Variants in ARFGAP3 observed in about 807,000 individuals in gnomAD.
ARFGAP3 encodes the protein ARF GTPase activating protein 3, also known as ADP-ribosylation factor GTPase-activating protein 3.
ARFGAP3 carries 72 observed loss-of-function variants against 75.0 expected under a neutral mutation model. That is an observed-to-expected ratio of 0.96 (90% CI 0.79 to 1.17). The LOEUF (loss-of-function observed/expected upper bound fraction) is 1.17. ARFGAP3 is among the 50% of genes most tolerant of loss of function. ARFGAP3 has a pLI of 0.00. For missense variants in ARFGAP3, 620 were observed against 626.6 expected, an observed-to-expected ratio of 0.99 and a Z score of 0.11; for synonymous variants, 221 against 217.9, an observed-to-expected ratio of 1.01 and a Z score of -0.13.
intron 14 of ARFGAP3, among the ~76,000 whole-genome samples, chr22:42,805,044 T>C (rs533266101): frequency 6.6e-6 from 1 of 152,134 alleles, no homozygotes; most frequent in African/African-American, 2.4e-5. Context: ...GGAGGGAGGT[T>C]TGCTCAAGGC....
chr22:42,848,271 C>T (rs1353075845), intron 1 of ARFGAP3, among the ~76,000 whole-genome samples: 6 of 152,002 alleles, frequency 3.9e-5, no homozygotes, highest in African/African-American at 9.7e-5. Flanking sequence ...TGCAGCGGCA[C>T]GATTTCGTCT....
chr22:42,816,942 T>C (rs1308312704), intron 11 of ARFGAP3, among the ~76,000 whole-genome samples, 200 bp downstream of exon 11: 1 of 152,250 alleles, frequency 6.6e-6, no homozygotes, highest in Non-Finnish European at 1.5e-5. Context: ...TTGCCAAACA[T>C]TTTAATATTA....
rs535960550 is a variant in ARFGAP3 at position 42,835,044 on chromosome 22, A to G, written c.393+318T>C. On this transcript the variant is annotated intron_variant, in intron 4 of 15. Coordinates refer to ENST00000263245, the MANE Select transcript of ARFGAP3 (RefSeq NM_014570.5). ...GTGAGTTCAATATTCATGAGCCATC[A>G]ATATATATTTAAAAAGGTGTCTTTA... 3.3e-5 allele frequency among the ~76,000 whole-genome samples: 5 copies of G among 152,318 alleles called. No homozygotes were observed. In the East Asian group the frequency reaches 9.6e-4, roughly 29 times the overall value.
At chr22:42,817,612 A>C in intron 10 of ARFGAP3, 117 bp downstream of exon 10, 1 of 880,024 alleles carries the variant, frequency 1.1e-6, no homozygotes, top group Non-Finnish European at 1.7e-6. Context: ...TAATTAGAGA[A>C]GTTAATGAAT....
In ARFGAP3 at chr22:42,802,708, T is replaced by G. The variant is rs1924930338; in HGVS notation, c.1412-3548A>C. Among the ~76,000 whole-genome samples, 5 of 149,920 alleles carry G rather than the reference T, an allele frequency of 3.3e-5. No homozygotes were observed. The South Asian group carries it at 1.1e-3, about 32-fold the overall frequency. ...GCTCCACCTCCCAGGTTCACGCCATTCTCCTGCCTCAGCCTCCCGAGTTGC... is the reference window on the plus strand; with the variant it reads ...GCTCCACCTCCCAGGTTCACGCCATGCTCCTGCCTCAGCCTCCCGAGTTGC... On this transcript the variant is annotated intron_variant, in intron 14 of 15. Coordinates refer to ENST00000263245, the MANE Select transcript of ARFGAP3 (RefSeq NM_014570.5).
chr22:42,835,242 G>A, intron 4 of ARFGAP3, 120 bp downstream of exon 4: 1 of 1,144,892 alleles, frequency 8.7e-7, no homozygotes, highest in East Asian at 2.5e-5. Flanking sequence ...AGAATCTACT[G>A]TACACTAATT....
chr22:42,806,378 G>A (rs1925124057), intron 14 of ARFGAP3, among the ~76,000 whole-genome samples: 1 of 152,238 alleles, frequency 6.6e-6, no homozygotes, highest in African/African-American at 2.4e-5. Context: ...CCACCACTGG[G>A]CTCACAGGCC....
intron 11 of ARFGAP3, among the ~76,000 whole-genome samples, chr22:42,816,777 G>A (rs1394741415): frequency 6.6e-6 from 1 of 152,156 alleles, no homozygotes; most frequent in African/African-American, 2.4e-5. Context: ...CTGAAGCACA[G>A]AAATCTGCTG....
At chr22:42,817,896 T>C in intron 9 of ARFGAP3, 39 bp from the exon 10 acceptor site, 2 of 1,480,838 alleles carry the variant, frequency 1.4e-6, no homozygotes, top group South Asian at 1.4e-5. Flanking sequence ...TTAGCTTTAA[T>C]CCTTTGTTCT....
rs1450641617 is a variant in ARFGAP3 at position 42,799,144 on chromosome 22, G to A, written c.1428C>T (p.Ser476=). ...TGTCGGGGGCGTTGGGCAGCACACT[G>A]GACAGGCTGTAGTTCCCTGCACACA... is the stretch of plus-strand genomic sequence containing the variant. The part of the protein sequence containing the change: ...RKQPAGNYSL[S]SVLPNAPDMA... The change falls in exon 15 of 16, where the codon TCC becomes TCT. Residue 476 remains serine, a synonymous_variant. Coordinates refer to ENST00000263245, the MANE Select transcript of ARFGAP3 (RefSeq NM_014570.5). 6.2e-7 allele frequency: 1 copy of A among 1,614,098 alleles called. No homozygotes were observed. The highest frequency in any genetic ancestry group is 8.5e-7 in the Non-Finnish European group (1 of 1,180,006).
At chr22:42,851,097 C>T (rs562082439) in intron 1 of ARFGAP3, among the ~76,000 whole-genome samples, 1 of 152,354 alleles carries the variant, frequency 6.6e-6, no homozygotes, top group African/African-American at 2.4e-5. Flanking sequence ...AGTTACTCAA[C>T]TACCAGTTGC....
At chr22:42,813,333 A>G (rs1925449074) in intron 11 of ARFGAP3, among the ~76,000 whole-genome samples, 2 of 152,168 alleles carry the variant, frequency 1.3e-5, no homozygotes, top group South Asian at 4.1e-4. Context: ...CTTGAGGAGA[A>G]GGAAGGGTGT....
At chr22:42,856,960 C>T (rs1358601154) in intron 1 of ARFGAP3, among the ~76,000 whole-genome samples, 154 bp downstream of exon 1, 1 of 149,998 alleles carries the variant, frequency 6.7e-6, no homozygotes, top group Non-Finnish European at 1.5e-5. Flanking sequence ...GCCCCGCCCG[C>T]CCCGGCCCGG....
chr22:42,833,717 T>C (rs1028254611), intron 5 of ARFGAP3, among the ~76,000 whole-genome samples: 1 of 149,264 alleles, frequency 6.7e-6, no homozygotes, highest in East Asian at 2.0e-4. Flanking sequence ...GATCACACCA[T>C]TGCACTCCAC....
intron 6 of ARFGAP3, among the ~76,000 whole-genome samples, chr22:42,828,610 A>G (rs1261989149): frequency 6.6e-6 from 1 of 152,052 alleles, no homozygotes; most frequent in African/African-American, 2.4e-5. Context: ...TGTTAAAACA[A>G]ACTGTGACAT....
intron 14 of ARFGAP3, among the ~76,000 whole-genome samples, chr22:42,805,037 G>A (rs1925055756): frequency 6.6e-6 from 1 of 152,164 alleles, no homozygotes; most frequent in Admixed American, 6.5e-5. Flanking sequence ...AGGCTGAGGA[G>A]GGAGGTTTGC....
At position 42,807,310 on chromosome 22, in the gene ARFGAP3, G is replaced by A. The variant is rs1044314791; in HGVS notation, c.1321-147C>T. The A allele has an allele frequency of 3.5e-6, 5 of 1,425,336 alleles. No homozygotes were observed. The African/African-American group carries it at 7.2e-5, about 21-fold the overall frequency. 88.3% of individuals were successfully genotyped at this position (1,425,336 alleles called of 1,614,324 possible). ...TTACTGAATGCCACTGCCAAGGCCA[G>A]GTCCTGCGGGACAGCACAAAGCTCA... On this transcript the variant is annotated intron_variant, in intron 13 of 15. Coordinates refer to ENST00000263245, the MANE Select transcript of ARFGAP3 (RefSeq NM_014570.5).
At chr22:42,839,109 CA>C (rs397868102) in intron 3 of ARFGAP3, among the ~76,000 whole-genome samples, 39,736 of 91,286 alleles carry the variant, frequency 0.44, 5,213 homozygotes, top group Middle Eastern at 0.51. Context: ...GATTCCGTCT[CA>C]AAAAAAAAAA....
chr22:42,831,567 TG>T lies in ARFGAP3; in HGVS notation c.546del (p.Thr183LeufsTer26). The T allele has an allele frequency of 1.2e-6, 2 of 1,613,944 alleles. No individual in the cohort carries two copies. The highest frequency in any genetic ancestry group is 1.7e-6 in the Non-Finnish European group (2 of 1,179,922). ...PSSLTSRPVETTLENNEGGQE... is the reference protein window; with the variant it reads ...PSSLTSRPVEXTLENNEGGQE... Reference sequence around the variant, plus strand: ...ACTCCACCTTCATTATTTTCCAAAGTGGTTTCCACAGGCCTTGATGTTAAAG... The same window carrying T: ...ACTCCACCTTCATTATTTTCCAAAGTGTTTCCACAGGCCTTGATGTTAAAG... On this transcript the variant is annotated frameshift_variant, in exon 6 of 16. Transcript: ENST00000263245. LOFTEE classifies it high-confidence loss of function.
Sources: gnomAD v4.1 joint callset for allele counts (sites outside exome capture counted in the v4.1 genomes callset) on GRCh38, gnomAD v4.1.1 for gene constraint, MANE v1.5 for transcripts, NCBI Gene and HGNC (gene_info 2026-07-23, HGNC 2026-07-21) for gene names.